Variants in CNTNAP5 observed in about 807,000 individuals in gnomAD.
CNTNAP5 encodes contactin-associated protein-like 5.
In CNTNAP5, 72 loss-of-function variants were observed where a neutral mutation model predicts 150.2. The observed-to-expected ratio is 0.48, with a 90% confidence interval of 0.40 to 0.58. The LOEUF is 0.58. Among genes scored for constraint, CNTNAP5 ranks in the 20% least tolerant of loss-of-function variants. CNTNAP5 has a pLI of 0.00. For missense variants in CNTNAP5, 1,636 were observed against 1,626.2 expected (o/e 1.01, Z -0.10); for synonymous variants, 672 against 619.8 (o/e 1.08, Z -1.25).
intron 19 of CNTNAP5, among the ~76,000 whole-genome samples, chr2:124,839,654 C>G (rs1157454184): frequency 6.6e-6 from 1 of 152,038 alleles, no homozygotes; most frequent in Non-Finnish European, 1.5e-5. Flanking sequence ...CTACTCTGTT[C>G]TTAAGAACAT....
At chr2:124,523,573 A>G (rs555105110) in intron 8 of CNTNAP5, among the ~76,000 whole-genome samples, 13 of 152,312 alleles carry the variant, frequency 8.5e-5, no homozygotes, top group Non-Finnish European at 1.8e-4. Context: ...GCAATGGAAT[A>G]GGAGAGAAAA....
intron 1 of CNTNAP5, among the ~76,000 whole-genome samples, chr2:124,105,512 T>C (rs1045956995): frequency 3.3e-5 from 5 of 152,220 alleles, no homozygotes; most frequent in Non-Finnish European, 7.3e-5. Flanking sequence ...TGCTTATTAA[T>C]TTTTCTGACC....
chr2:124,666,366 A>G (rs1678700565), intron 13 of CNTNAP5, among the ~76,000 whole-genome samples: 1 of 152,216 alleles, frequency 6.6e-6, no homozygotes, highest in Non-Finnish European at 1.5e-5. Context: ...GTTAACCAGT[A>G]CACTGGGTGA....
chr2:124,791,378 C>G (rs1008952957), intron 18 of CNTNAP5, among the ~76,000 whole-genome samples: 1 of 152,178 alleles, frequency 6.6e-6, no homozygotes, highest in African/African-American at 2.4e-5. Context: ...TAAAATAAAA[C>G]AGTTTCCATT....
intron 5 of CNTNAP5, among the ~76,000 whole-genome samples, chr2:124,446,053 T>C (rs1692807088): frequency 6.6e-6 from 1 of 152,100 alleles, no homozygotes; most frequent in Admixed American, 6.5e-5. Flanking sequence ...CAACAGAGGC[T>C]AAATCCTCAA....
chr2:124,498,278 T>C (rs1558928149), intron 7 of CNTNAP5, among the ~76,000 whole-genome samples: 1 of 152,306 alleles, frequency 6.6e-6, no homozygotes, highest in East Asian at 1.9e-4. Flanking sequence ...CTGCATATAA[T>C]TTCTCCCATT....
At chr2:124,264,768 A>G (rs551278895) in intron 3 of CNTNAP5, among the ~76,000 whole-genome samples, 34 of 152,220 alleles carry the variant, frequency 2.2e-4, no homozygotes, top group Non-Finnish European at 4.1e-4. Flanking sequence ...ACAGACAGAC[A>G]GCCGACAGCA....
At chr2:124,584,855 T>A (rs1222880167) in intron 11 of CNTNAP5, among the ~76,000 whole-genome samples, 1 of 152,224 alleles carries the variant, frequency 6.6e-6, no homozygotes. Context: ...TTTTATGAGT[T>A]TTTTGTTTTC....
intron 1 of CNTNAP5, among the ~76,000 whole-genome samples, chr2:124,067,376 G>A (rs1226248262): frequency 6.6e-6 from 1 of 152,102 alleles, no homozygotes; most frequent in Non-Finnish European, 1.5e-5. Context: ...TTCTGGCTCT[G>A]GAAGCTGCCA....
At chr2:124,695,051 A>G (rs1573552907) in intron 13 of CNTNAP5, among the ~76,000 whole-genome samples, 1 of 152,074 alleles carries the variant, frequency 6.6e-6, no homozygotes, top group East Asian at 1.9e-4. Context: ...AACATGACAC[A>G]CTTTTAAGTT....
intron 11 of CNTNAP5, among the ~76,000 whole-genome samples, chr2:124,584,747 A>G (rs901557832): frequency 2.0e-5 from 3 of 152,230 alleles, no homozygotes; most frequent in Non-Finnish European, 2.9e-5. Context: ...CTGTATAATT[A>G]TTTCCAAGGA....
chr2:124,589,468 G>A (rs879374878), intron 11 of CNTNAP5, among the ~76,000 whole-genome samples: 13 of 152,106 alleles, frequency 8.5e-5, no homozygotes, highest in Non-Finnish European at 1.0e-4. Flanking sequence ...TGACTATTAT[G>A]AATAATGGAC....
chr2:124,560,647 C>T (rs1558954308), intron 10 of CNTNAP5, among the ~76,000 whole-genome samples: 1 of 151,922 alleles, frequency 6.6e-6, no homozygotes, highest in South Asian at 2.1e-4. Context: ...CTCGGACTAT[C>T]CTAATTGCAT....
chr2:124,617,655 A>G (rs555421998), intron 12 of CNTNAP5, among the ~76,000 whole-genome samples: 1 of 152,244 alleles, frequency 6.6e-6, no homozygotes, highest in East Asian at 1.9e-4. Flanking sequence ...TTCCAAATAG[A>G]TTACATTCAC....
chr2:124,476,437 A>G (rs1384028464), intron 7 of CNTNAP5, among the ~76,000 whole-genome samples: 3 of 143,756 alleles, frequency 2.1e-5, no homozygotes, highest in Non-Finnish European at 4.6e-5. Flanking sequence ...GTGACATCAC[A>G]GTGTTTGTGG....
chr2:124,695,903 A>G (rs1371744655), intron 13 of CNTNAP5, among the ~76,000 whole-genome samples: 2 of 152,154 alleles, frequency 1.3e-5, no homozygotes, highest in Non-Finnish European at 2.9e-5. Context: ...TGTTAAAACA[A>G]ATTTCCCCTA....
At chr2:124,335,152 T>C (rs1318293426) in intron 3 of CNTNAP5, among the ~76,000 whole-genome samples, 1 of 152,168 alleles carries the variant, frequency 6.6e-6, no homozygotes, top group Non-Finnish European at 1.5e-5. Context: ...TATGGGGTGC[T>C]GCTAGTCACA....
At chr2:124,026,078 G>A (rs984889824) in intron 1 of CNTNAP5, among the ~76,000 whole-genome samples, 4 of 152,198 alleles carry the variant, frequency 2.6e-5, no homozygotes, top group Admixed American at 2.6e-4. Context: ...AATGCACTGG[G>A]AGCTGAGCTT....
At chr2:124,889,155 G>A (rs189284270) in intron 21 of CNTNAP5, among the ~76,000 whole-genome samples, 356 of 142,240 alleles carry the variant, frequency 2.5e-3, no homozygotes, top group Non-Finnish European at 3.6e-3. Flanking sequence ...CTGGAGTGCA[G>A]TGGCAAAATC....
Sources: allele counts gnomAD v4.1 joint callset (sites outside exome capture counted in the v4.1 genomes callset), GRCh38; gene constraint gnomAD v4.1.1; transcripts MANE v1.5; gene names NCBI Gene and HGNC (gene_info 2026-07-23, HGNC 2026-07-21).